Variants in IL1RAPL2 observed in about 807,000 individuals in gnomAD.
IL1RAPL2 encodes the protein interleukin 1 receptor accessory protein like 2.
In IL1RAPL2, 3 loss-of-function variants were observed where a neutral mutation model predicts 44.1. The ratio of observed to expected loss-of-function variants is 0.07; its 90% CI spans 0.03 to 0.18. The LOEUF (loss-of-function observed/expected upper bound fraction) is 0.18, where lower values mean the gene tolerates loss of function less well. IL1RAPL2 is among the 10% of genes least tolerant of loss of function. The pLI, the probability that IL1RAPL2 is intolerant of heterozygous loss-of-function variation, is 1.00. For synonymous variants in IL1RAPL2, 181 were observed against 178.8 expected (o/e 1.01, Z -0.10); for missense variants, 391 against 496.4 (o/e 0.79, Z 2.02).
intron 1 of IL1RAPL2, among the ~76,000 whole-genome samples, chrX:104,579,415 T>TA (rs1192563345): frequency 1.8e-5 from 2 of 111,886 alleles, no homozygotes; most frequent in African/African-American, 3.3e-5. Flanking sequence ...TATGCAGCCA[T>TA]AAAAAAGAAT....
intron 5 of IL1RAPL2, among the ~76,000 whole-genome samples, chrX:105,431,004 CT>C (rs1373856662): frequency 8.9e-6 from 1 of 112,094 alleles, no homozygotes; most frequent in Non-Finnish European, 1.9e-5. Context: ...ACTCTGCAAA[CT>C]CATGAAGTCA....
At chrX:105,315,578 G>GGATATATATATATATATATATATATATA (rs1556280626) in intron 5 of IL1RAPL2, among the ~76,000 whole-genome samples, 3 of 21,820 alleles carry the variant, frequency 1.4e-4, no homozygotes, top group Non-Finnish European at 3.3e-4. Flanking sequence ...ACTAATGGAT[G>GGATATATATATATATATATATATATATA]TATATATATA....
At chrX:105,038,364 T>A (rs139185732) in intron 2 of IL1RAPL2, among the ~76,000 whole-genome samples, 4,291 of 111,580 alleles carry the variant, frequency 0.038, 229 homozygotes, top group African/African-American at 0.13. Flanking sequence ...TACTCTCTTG[T>A]TTTTCTCCTA....
In IL1RAPL2 at chrX:105,377,005, C is replaced by G. The variant is rs2035392415; in HGVS notation, c.698-107308C>G. ...TGAGCAGCATAAACATTGCAGGTAA[C>G]AAAAGTAATTCCATCTTCTGCCCCA... On this transcript the variant is annotated intron_variant, in intron 5 of 10. Transcript: ENST00000372582. Among the ~76,000 whole-genome samples the G allele has an allele frequency of 2.7e-5, 3 of 111,936 alleles. No homozygotes were observed. In the South Asian group the frequency reaches 1.1e-3, roughly 41 times the overall value.
At chrX:105,346,232 C>T (rs915748080) in intron 5 of IL1RAPL2, among the ~76,000 whole-genome samples, 1 of 111,657 alleles carries the variant, frequency 9.0e-6, no homozygotes, top group Non-Finnish European at 1.9e-5. Context: ...TCCTGTAAAC[C>T]GGGAGTCAAC....
chrX:105,356,162 ATGTG>A (rs3037850), intron 5 of IL1RAPL2, among the ~76,000 whole-genome samples: 1 of 103,289 alleles, frequency 9.7e-6, no homozygotes, highest in Admixed American at 1.0e-4. Flanking sequence ...GTGTGTGTGT[ATGTG>A]TGTGTGTGTG....
intron 5 of IL1RAPL2, among the ~76,000 whole-genome samples, chrX:105,331,156 C>T (rs935761461): frequency 2.7e-5 from 3 of 111,258 alleles, no homozygotes; most frequent in African/African-American, 9.8e-5. Context: ...TTAGTGAAAC[C>T]AATGTCCTAT....
intron 3 of IL1RAPL2, chrX:105,218,780 C>A: frequency 2.3e-6 from 1 of 440,498 alleles, no homozygotes; most frequent in East Asian, 3.7e-5. Context: ...TTTCCTCCCC[C>A]TCCTCCAGTC....
At chrX:105,385,504 C>T (rs2035469681) in intron 5 of IL1RAPL2, among the ~76,000 whole-genome samples, 1 of 109,961 alleles carries the variant, frequency 9.1e-6, no homozygotes, top group Non-Finnish European at 1.9e-5. Context: ...TACATCATAC[C>T]ATAAGTAATT....
intron 2 of IL1RAPL2, among the ~76,000 whole-genome samples, chrX:105,014,573 T>C (rs1315558564): frequency 8.9e-6 from 1 of 112,017 alleles, no homozygotes; most frequent in East Asian, 2.8e-4. Context: ...TGTTTGGTTT[T>C]CTGTTCTTGT....
At chrX:104,855,681 G>GTTTTTTTTTTTTTTTTTTTTTTT (rs1556002120) in intron 2 of IL1RAPL2, among the ~76,000 whole-genome samples, 9 of 53,857 alleles carry the variant, frequency 1.7e-4, no homozygotes, top group African/African-American at 5.4e-4. Flanking sequence ...ATCTGGATCC[G>GTTTTTTTTTTTTTTTTTTTTTTT]TTTTTTTTTT....
chrX:105,513,470 G>A (rs146666955), intron 6 of IL1RAPL2, among the ~76,000 whole-genome samples: 6 of 111,682 alleles, frequency 5.4e-5, no homozygotes, highest in East Asian at 2.8e-4. Flanking sequence ...TCTAACTGGC[G>A]TGAGATGGTA....
chrX:105,209,277 A>G (rs1019237332), intron 3 of IL1RAPL2, among the ~76,000 whole-genome samples: 1 of 112,266 alleles, frequency 8.9e-6, no homozygotes, highest in Non-Finnish European at 1.9e-5. Flanking sequence ...TAAATAAAAT[A>G]TAGTTTAATT....
chrX:105,621,384 A>G (rs1189053479), intron 6 of IL1RAPL2, among the ~76,000 whole-genome samples: 2 of 111,647 alleles, frequency 1.8e-5, no homozygotes, highest in Non-Finnish European at 3.8e-5. Context: ...AGACACAATT[A>G]TTTGTTGATT....
chrX:104,802,450 T>A (rs1235781649), intron 2 of IL1RAPL2, among the ~76,000 whole-genome samples: 1 of 111,081 alleles, frequency 9.0e-6, no homozygotes, highest in African/African-American at 3.3e-5. Flanking sequence ...AGAACTGATT[T>A]GTACGCTTTT....
In IL1RAPL2 at chrX:105,318,687, A is replaced by G. The variant is rs781371716; in HGVS notation, c.697+51146A>G. On this transcript the variant is annotated intron_variant, in intron 5 of 10. Coordinates refer to ENST00000372582, the MANE Select transcript of IL1RAPL2 (RefSeq NM_017416.2). ...GAAGCCTGGTGTGGCAGGGTAAGCTATGTAGAAGGCCTTGAATGCCAACCA... is the reference window on the plus strand; with the variant it reads ...GAAGCCTGGTGTGGCAGGGTAAGCTGTGTAGAAGGCCTTGAATGCCAACCA... 3.6e-5 allele frequency among the ~76,000 whole-genome samples: 4 copies of G among 110,969 alleles called. No homozygotes were observed. In the South Asian group the frequency reaches 1.6e-3, roughly 43 times the overall value.
intron 6 of IL1RAPL2, among the ~76,000 whole-genome samples, chrX:105,614,065 A>C: frequency 8.9e-6 from 1 of 112,240 alleles, no homozygotes; most frequent in Middle Eastern, 4.6e-3. Context: ...AAACCAAGAA[A>C]GTAATCCCAT....
At chrX:104,604,626 T>A (rs749756648) in intron 1 of IL1RAPL2, among the ~76,000 whole-genome samples, 1 of 38,374 alleles carries the variant, frequency 2.6e-5, no homozygotes. Flanking sequence ...ACTGAGGAAA[T>A]GCATAGCAAA....
intron 2 of IL1RAPL2, among the ~76,000 whole-genome samples, chrX:105,123,872 C>A (rs2032949152): frequency 9.0e-6 from 1 of 110,827 alleles, no homozygotes; most frequent in African/African-American, 3.3e-5. Flanking sequence ...AAAGACCCTC[C>A]ATGACTCTTA....
Sources: allele counts gnomAD v4.1 joint callset (sites outside exome capture counted in the v4.1 genomes callset), GRCh38; gene constraint gnomAD v4.1.1; transcripts MANE v1.5; gene names NCBI Gene and HGNC (gene_info 2026-07-23, HGNC 2026-07-21).